The following RABGAP1L variants were observed in gnomAD, a reference collection of about 807,000 sequenced individuals.
RABGAP1L encodes RAB GTPase activating protein 1 like.
Under a neutral mutation model 137.7 loss-of-function variants are expected in RABGAP1L, and 63 were observed. That is an observed-to-expected ratio of 0.46 (90% CI 0.37 to 0.56). The LOEUF is 0.56. Among genes scored for constraint, RABGAP1L ranks in the 20% least tolerant of loss-of-function variants. The pLI is 0.00. For synonymous variants in RABGAP1L, 431 were observed against 433.7 expected (o/e 0.99, Z 0.08); for missense variants, 1,095 against 1,244.0 (o/e 0.88, Z 1.80).
intron 11 of RABGAP1L, among the ~76,000 whole-genome samples, chr1:174,341,301 T>C (rs1681952164): frequency 6.6e-6 from 1 of 152,334 alleles, no homozygotes; most frequent in South Asian, 2.1e-4. Context: ...AATGCTAATA[T>C]GATGCATCTT....
At chr1:174,913,547 A>G (rs1660382125) in intron 19 of RABGAP1L, among the ~76,000 whole-genome samples, 3 of 152,150 alleles carry the variant, frequency 2.0e-5, no homozygotes, top group Non-Finnish European at 2.9e-5. Context: ...ATTTTGTGGA[A>G]ATTTTCCAAG....
intron 19 of RABGAP1L, among the ~76,000 whole-genome samples, chr1:174,872,891 C>T (rs1477696388): frequency 6.6e-6 from 1 of 151,996 alleles, no homozygotes; most frequent in East Asian, 1.9e-4. Context: ...TTTTGGAGAT[C>T]CTTAACATTG....
rs536117599 is a variant in RABGAP1L, at chr1:174,212,284, C to T, written c.-33-6841C>T. Reference sequence around the variant, plus strand: ...AAATAATATCAAGCATTGTCTCTGACGACAACAGAATGAAACTTAGGTTGG... The same window carrying T: ...AAATAATATCAAGCATTGTCTCTGATGACAACAGAATGAAACTTAGGTTGG... On this transcript the variant is annotated intron_variant, in intron 1 of 25. Coordinates refer to ENST00000681986, the MANE Select transcript of RABGAP1L (RefSeq NM_001366446.1). 5.9e-5 allele frequency among the ~76,000 whole-genome samples: 9 copies of T among 152,092 alleles called. No individual in the cohort carries two copies. In the East Asian group the frequency reaches 9.7e-4, roughly 16 times the overall value.
chr1:174,937,239 A>G (rs1416180241), intron 19 of RABGAP1L, among the ~76,000 whole-genome samples: 2 of 151,334 alleles, frequency 1.3e-5, no homozygotes, highest in East Asian at 1.9e-4. Flanking sequence ...TCGGCCTCCC[A>G]AAGTGCTGGG....
chr1:174,786,282 G>A (rs974714658), intron 18 of RABGAP1L, among the ~76,000 whole-genome samples: 2 of 152,130 alleles, frequency 1.3e-5, no homozygotes, highest in African/African-American at 4.8e-5. Flanking sequence ...GGTTCATGTG[G>A]ACATTGTTTA....
chr1:174,471,817 C>G (rs569265609), intron 13 of RABGAP1L, among the ~76,000 whole-genome samples: 1 of 152,066 alleles, frequency 6.6e-6, no homozygotes, highest in African/African-American at 2.4e-5. Flanking sequence ...CCTCTCCTGG[C>G]GTTCATATAT....
intron 24 of RABGAP1L, among the ~76,000 whole-genome samples, chr1:174,984,432 C>A (rs6686962): frequency 0.97 from 147,916 of 152,338 alleles, 71,859 homozygotes; most frequent in East Asian, 1. Context: ...TTAAGAACTT[C>A]GGAAGCAGTT....
intron 10 of RABGAP1L, among the ~76,000 whole-genome samples, chr1:174,298,794 A>G (rs1677376209): frequency 6.6e-6 from 1 of 152,212 alleles, no homozygotes; most frequent in South Asian, 2.1e-4. Flanking sequence ...CCTCTGAGTG[A>G]TGATCATCCT....
At chr1:174,611,815 G>A (rs554768229) in intron 13 of RABGAP1L, among the ~76,000 whole-genome samples, 3 of 152,148 alleles carry the variant, frequency 2.0e-5, no homozygotes, top group African/African-American at 7.2e-5. Context: ...TCTCCTTGAA[G>A]CAATTGTGAA....
chr1:174,614,042 AT>A (rs1671539743), intron 13 of RABGAP1L, among the ~76,000 whole-genome samples: 3 of 152,188 alleles, frequency 2.0e-5, no homozygotes, highest in Non-Finnish European at 4.4e-5. Flanking sequence ...TAATTGGAGC[AT>A]TTATTCCATT....
At chr1:174,871,784 A>G (rs563527495) in intron 19 of RABGAP1L, among the ~76,000 whole-genome samples, 1 of 152,348 alleles carries the variant, frequency 6.6e-6, no homozygotes, top group African/African-American at 2.4e-5. Flanking sequence ...GTTATTTGTA[A>G]TTAGAATTCA....
chr1:174,641,315 C>T (rs1674516658), intron 14 of RABGAP1L, among the ~76,000 whole-genome samples: 1 of 152,038 alleles, frequency 6.6e-6, no homozygotes, highest in African/African-American at 2.4e-5. Context: ...ATGGCCCTGT[C>T]AATTCCAGTT....
intron 18 of RABGAP1L, among the ~76,000 whole-genome samples, chr1:174,768,652 T>C (rs1050744762): frequency 6.6e-6 from 1 of 152,238 alleles, no homozygotes; most frequent in South Asian, 2.1e-4. Flanking sequence ...CCTGGAATCA[T>C]GCCAATGTAT....
At chr1:174,596,413 C>A (rs999463528) in intron 13 of RABGAP1L, among the ~76,000 whole-genome samples, 57 of 152,082 alleles carry the variant, frequency 3.7e-4, no homozygotes, top group Admixed American at 2.6e-4. Context: ...TTTTGTAGTT[C>A]TTATTGTACA....
intron 11 of RABGAP1L, among the ~76,000 whole-genome samples, chr1:174,351,820 G>C (rs1284249837): frequency 6.6e-6 from 1 of 151,654 alleles, no homozygotes; most frequent in African/African-American, 2.4e-5. Flanking sequence ...TGTTTTGTTT[G>C]AGATGGAGTC....
At chr1:174,469,389 A>G (rs997588661) in intron 13 of RABGAP1L, among the ~76,000 whole-genome samples, 2 of 152,180 alleles carry the variant, frequency 1.3e-5, no homozygotes, top group African/African-American at 2.4e-5. Flanking sequence ...CACTAATCCA[A>G]CATTTCTCAG....
At chr1:174,775,686 A>G (rs1686475172) in intron 18 of RABGAP1L, among the ~76,000 whole-genome samples, 1 of 152,100 alleles carries the variant, frequency 6.6e-6, no homozygotes, top group East Asian at 1.9e-4. Flanking sequence ...GTCTGTGATT[A>G]CCTATATTCT....
At chr1:174,449,040 GT>G in intron 13 of RABGAP1L, 1 of 1,613,976 alleles carries the variant, frequency 6.2e-7, no homozygotes, top group Non-Finnish European at 8.5e-7. Context: ...ATAAGTAATA[GT>G]TTTTGTAACT....
chr1:174,238,232 C>G (rs1289876182), intron 4 of RABGAP1L, among the ~76,000 whole-genome samples: 2 of 152,130 alleles, frequency 1.3e-5, no homozygotes, highest in African/African-American at 2.4e-5. Flanking sequence ...TCCCGTAGCT[C>G]AGAGTAATTT....
Sources: allele counts gnomAD v4.1 joint callset (sites outside exome capture counted in the v4.1 genomes callset), GRCh38; gene constraint gnomAD v4.1.1; transcripts MANE v1.5; gene names NCBI Gene and HGNC (gene_info 2026-07-23, HGNC 2026-07-21).